The following APP variants were observed in gnomAD, a reference collection of about 807,000 sequenced individuals.
APP encodes the protein amyloid beta precursor protein.
APP carries 31 observed loss-of-function variants against 101.4 expected under a neutral mutation model. The ratio of observed to expected loss-of-function variants is 0.31; its 90% CI spans 0.23 to 0.41. The LOEUF (loss-of-function observed/expected upper bound fraction) is 0.41. Among genes scored for constraint, APP ranks in the 10% least tolerant of loss-of-function variants. The probability of loss-of-function intolerance (pLI) is 1.00; values close to 1 mark genes in which losing one functional copy is unlikely to be tolerated. For synonymous variants in APP, 366 were observed against 364.4 expected, an observed-to-expected ratio of 1.00 and a Z score of -0.05; for missense variants, 839 against 1,003.7, an observed-to-expected ratio of 0.84 and a Z score of 2.22.
intron 5 of APP, among the ~76,000 whole-genome samples, chr21:26,035,307 G>A (rs1367817059): frequency 1.3e-5 from 2 of 152,034 alleles, no homozygotes; most frequent in African/African-American, 2.4e-5. Context: ...CTGGAAAGAT[G>A]GCAACAAAAC....
chr21:25,926,270 A>G (rs781587396), intron 13 of APP, among the ~76,000 whole-genome samples: 1 of 152,220 alleles, frequency 6.6e-6, no homozygotes, highest in Non-Finnish European at 1.5e-5. Context: ...CCCCTACTGA[A>G]GACACTTTTA....
chr21:26,047,214 T>C (rs1449971093), intron 5 of APP, among the ~76,000 whole-genome samples: 1 of 152,152 alleles, frequency 6.6e-6, no homozygotes, highest in Non-Finnish European at 1.5e-5. Context: ...AATGCCCCAT[T>C]AGCGATAGAA....
chr21:25,933,462 G>A (rs2146403039), intron 13 of APP, among the ~76,000 whole-genome samples: 1 of 152,238 alleles, frequency 6.6e-6, no homozygotes, highest in African/African-American at 2.4e-5. Context: ...TAAATATACA[G>A]TAGATTACTG....
At chr21:26,072,443 TAAA>T (rs56869139) in intron 3 of APP, among the ~76,000 whole-genome samples, 4 of 152,208 alleles carry the variant, frequency 2.6e-5, no homozygotes, top group Non-Finnish European at 4.4e-5. Context: ...TCTGTTTTTT[TAAA>T]AAAGATATTT....
intron 3 of APP, chr21:26,068,039 C>G (rs1237561034): frequency 1.3e-5 from 2 of 152,112 alleles, no homozygotes; most frequent in Non-Finnish European, 2.9e-5. Flanking sequence ...GGTTGGTGTT[C>G]CGTGAGGCAA....
At chr21:26,166,868 A>AAGTGAGAGAGAGTG (rs1339168948) in intron 1 of APP, among the ~76,000 whole-genome samples, 1 of 122,518 alleles carries the variant, frequency 8.2e-6, no homozygotes, top group Non-Finnish European at 1.6e-5. Context: ...TCTGTCACTC[A>AAGTGAGAGAGAGTG]AGTGAGAGAG....
intron 5 of APP, among the ~76,000 whole-genome samples, chr21:26,031,176 T>C (rs1235008595): frequency 6.6e-6 from 1 of 152,206 alleles, no homozygotes; most frequent in Admixed American, 6.5e-5. Context: ...ACTATGTGCC[T>C]GGCATCTCCT....
At chr21:25,952,134 T>C (rs1356820697) in intron 13 of APP, among the ~76,000 whole-genome samples, 1 of 151,734 alleles carries the variant, frequency 6.6e-6, no homozygotes, top group Admixed American at 6.6e-5. Flanking sequence ...GAATGATATA[T>C]ATGTCATTAC....
At chr21:25,963,858 T>C (rs2146525150) in intron 11 of APP, among the ~76,000 whole-genome samples, 1 of 152,286 alleles carries the variant, frequency 6.6e-6, no homozygotes, top group South Asian at 2.1e-4. Flanking sequence ...TTTATCCACC[T>C]TCCTTTCTTC....
intron 5 of APP, among the ~76,000 whole-genome samples, chr21:26,025,574 T>C (rs2044532704): frequency 6.6e-6 from 1 of 152,192 alleles, no homozygotes; most frequent in Non-Finnish European, 1.5e-5. Flanking sequence ...TGTTATTACT[T>C]GGATGTGGCC....
chr21:26,141,818 AAC>A (rs913592409), intron 1 of APP, among the ~76,000 whole-genome samples: 18 of 152,362 alleles, frequency 1.2e-4, no homozygotes, highest in African/African-American at 4.3e-4. Context: ...AAATAATATC[AAC>A]AGTTATTACA....
chr21:26,080,218 T>C (rs1422724968), intron 3 of APP, among the ~76,000 whole-genome samples: 1 of 152,216 alleles, frequency 6.6e-6, no homozygotes, highest in Non-Finnish European at 1.5e-5. Flanking sequence ...GGGGTTATAA[T>C]TCACTTGTAA....
At chr21:25,898,479 CATTT>C (rs1266919907) in intron 15 of APP, among the ~76,000 whole-genome samples, 1 of 152,160 alleles carries the variant, frequency 6.6e-6, no homozygotes, top group Non-Finnish European at 1.5e-5. Flanking sequence ...CATGCTATAA[CATTT>C]AATTATCAAA....
At chr21:25,935,861 A>AAC (rs10695940) in intron 13 of APP, among the ~76,000 whole-genome samples, 1 of 149,918 alleles carries the variant, frequency 6.7e-6, no homozygotes, top group Admixed American at 6.7e-5. Context: ...AAAAAAAAAA[A>AAC]CCTGTCAAAT....
chr21:25,983,987 T>A (rs962764099), intron 8 of APP, among the ~76,000 whole-genome samples: 3 of 152,232 alleles, frequency 2.0e-5, no homozygotes, highest in Admixed American at 1.3e-4. Context: ...TCAATTTTTT[T>A]ATCAAGTGGT....
At chr21:25,999,742 G>A (rs1325327307) in intron 7 of APP, among the ~76,000 whole-genome samples, 4 of 152,206 alleles carry the variant, frequency 2.6e-5, no homozygotes, top group East Asian at 1.9e-4. Flanking sequence ...TAAAAGAGAA[G>A]CACTCAAAAG....
At position 26,000,019 on chromosome 21, in the gene APP, G is replaced by C; in HGVS notation, c.1029C>G (p.Ser343Arg). ...CTCGAAGAAGGGTCCACTTACTGGC[G>C]CTGCCACACACGGCCATGCAGTACT... ...TEEYCMAVCGSAMSQSLLKTT... is the reference protein window; with the variant it reads ...TEEYCMAVCGRAMSQSLLKTT... The change falls in exon 7 of 18, where the codon AGC (serine) becomes AGG (arginine). Residue 343 changes from serine to arginine, a missense_variant. By Grantham distance (110) the Ser-to-Arg change is moderately radical (BLOSUM62 -1). Transcript: ENST00000346798. 1.2e-6 allele frequency: 2 copies of C among 1,613,972 alleles called. No homozygotes were observed. Among genetic ancestry groups the C allele is most frequent in the South Asian group, 1.1e-5 (1 of 91,056 alleles).
At chr21:26,054,620 G>GTTTTT (rs369608335) in intron 3 of APP, among the ~76,000 whole-genome samples, 3 of 107,998 alleles carry the variant, frequency 2.8e-5, no homozygotes, top group South Asian at 3.3e-4. Context: ...TAGGCCAAAA[G>GTTTTT]TTTTTTTTTT....
In APP at chr21:26,156,890, A is replaced by G. The variant is rs1236059066; in HGVS notation, c.57+13674T>C. 7.9e-5 allele frequency among the ~76,000 whole-genome samples: 12 copies of G among 152,314 alleles called. No homozygotes were observed. The East Asian group carries it at 2.3e-3, about 29-fold the overall frequency. ...AAAAGTATAATTTAAAAATATGAGCAATATAATATGACAGAAATATACATT... is the reference window on the plus strand; with the variant it reads ...AAAAGTATAATTTAAAAATATGAGCGATATAATATGACAGAAATATACATT... On this transcript the variant is annotated intron_variant, in intron 1 of 17. Coordinates refer to ENST00000346798, the MANE Select transcript of APP (RefSeq NM_000484.4).
Sources: allele counts gnomAD v4.1 joint callset (sites outside exome capture counted in the v4.1 genomes callset), GRCh38; gene constraint gnomAD v4.1.1; transcripts MANE v1.5; gene names NCBI Gene and HGNC (gene_info 2026-07-23, HGNC 2026-07-21).